KLF12: variants seen among roughly 807,000 people sequenced by gnomAD.
The protein encoded by KLF12 is KLF transcription factor 12.
A neutral mutation model predicts 37.8 loss-of-function variants in KLF12; 9 were observed. That is an observed-to-expected ratio of 0.24 (90% confidence interval 0.14 to 0.42). The LOEUF (loss-of-function observed/expected upper bound fraction) is 0.42. Among genes scored for constraint, KLF12 ranks in the 10% least tolerant of loss-of-function variants. KLF12 has a pLI of 1.00. For synonymous variants in KLF12, 208 were observed against 202.1 expected (o/e 1.03, Z -0.25); for missense variants, 411 against 516.0 (o/e 0.80, Z 1.97).
intron 3 of KLF12, among the ~76,000 whole-genome samples, chr13:73,934,398 G>A (rs1432492899): frequency 6.6e-6 from 1 of 152,032 alleles, no homozygotes; most frequent in Admixed American, 6.6e-5. Flanking sequence ...AATATGTCAC[G>A]AACTCCACCA....
At chr13:74,109,964 A>C (rs1040717101) in intron 1 of KLF12, among the ~76,000 whole-genome samples, 1 of 152,186 alleles carries the variant, frequency 6.6e-6, no homozygotes, top group Non-Finnish European at 1.5e-5. Flanking sequence ...CATAGCTAAG[A>C]CTTTTGGGGA....
chr13:73,843,983 T>C (rs887335502), intron 4 of KLF12, among the ~76,000 whole-genome samples: 1 of 152,122 alleles, frequency 6.6e-6, no homozygotes, highest in East Asian at 1.9e-4. Flanking sequence ...ATATATACTT[T>C]CAAAATAAAA....
At chr13:74,272,145 A>C in the KLF12 span, among the ~76,000 whole-genome samples, 1 of 152,190 alleles carries the variant, frequency 6.6e-6, no homozygotes, top group East Asian at 1.9e-4. Flanking sequence ...TTAACTTCTA[A>C]AGTGCTACTT....
At chr13:73,847,470 A>C (rs1462519846) in intron 3 of KLF12, among the ~76,000 whole-genome samples, 1 of 152,160 alleles carries the variant, frequency 6.6e-6, no homozygotes, top group Non-Finnish European at 1.5e-5. Context: ...CATTTAAAGG[A>C]ATGAAACATG....
At chr13:74,173,560 A>G in the KLF12 span, among the ~76,000 whole-genome samples, 1 of 152,190 alleles carries the variant, frequency 6.6e-6, no homozygotes, top group Non-Finnish European at 1.5e-5. Context: ...GAGATAGCTG[A>G]TAAACTTAAA....
intron 3 of KLF12, among the ~76,000 whole-genome samples, chr13:73,911,668 A>T (rs938692731): frequency 1.3e-5 from 2 of 152,250 alleles, no homozygotes; most frequent in Admixed American, 1.3e-4. Flanking sequence ...TAACTGAAGA[A>T]TTACAGATTT....
chr13:73,907,229 T>A (rs1009573359), intron 3 of KLF12, among the ~76,000 whole-genome samples: 1 of 152,190 alleles, frequency 6.6e-6, no homozygotes, highest in Non-Finnish European at 1.5e-5. Context: ...TGGAGCATAT[T>A]AACCTCCCCT....
intron 5 of KLF12, among the ~76,000 whole-genome samples, chr13:73,767,596 T>C (rs1323644562): frequency 6.6e-6 from 1 of 152,180 alleles, no homozygotes; most frequent in Non-Finnish European, 1.5e-5. Context: ...GTGATTTACA[T>C]TACATAGAAA....
At chr13:74,099,836 T>TA (rs5804717) in intron 1 of KLF12, among the ~76,000 whole-genome samples, 12 of 152,092 alleles carry the variant, frequency 7.9e-5, no homozygotes, top group African/African-American at 2.7e-4. Flanking sequence ...TCTTTTTATT[T>TA]AAAAAAAAAG....
chr13:73,993,173 A>G (rs766207223), intron 2 of KLF12, among the ~76,000 whole-genome samples: 4 of 152,220 alleles, frequency 2.6e-5, no homozygotes, highest in African/African-American at 9.6e-5. Flanking sequence ...CAGAGGTTGC[A>G]GTAAGCCGAG....
intron 1 of KLF12, among the ~76,000 whole-genome samples, chr13:74,114,782 G>A (rs550369235): frequency 2.0e-5 from 3 of 152,238 alleles, no homozygotes; most frequent in South Asian, 4.1e-4. Context: ...GGAGCATAAC[G>A]TGCTATTTCA....
intron 3 of KLF12, among the ~76,000 whole-genome samples, chr13:73,877,888 CCT>C (rs1324386172): frequency 5.9e-5 from 9 of 152,228 alleles, no homozygotes; most frequent in Middle Eastern, 3.4e-3. Context: ...ACAGGTATTC[CCT>C]GTTTTCACGC....
chr13:73,826,527 A>T (rs1302182140), intron 4 of KLF12, among the ~76,000 whole-genome samples: 1 of 152,216 alleles, frequency 6.6e-6, no homozygotes, highest in African/African-American at 2.4e-5. Context: ...TATTTTCCCA[A>T]AAGATTCAAA....
intron 2 of KLF12, among the ~76,000 whole-genome samples, chr13:73,955,454 A>G (rs890129053): frequency 2.3e-4 from 35 of 152,216 alleles, no homozygotes; most frequent in Admixed American, 4.6e-4. Flanking sequence ...GGTAAATGGC[A>G]GCAATGAATT....
intron 1 of KLF12, among the ~76,000 whole-genome samples, chr13:74,045,079 G>C (rs1041297378): frequency 6.6e-6 from 1 of 152,108 alleles, no homozygotes; most frequent in African/African-American, 2.4e-5. Flanking sequence ...CACCCAAGGA[G>C]GTGGAGTATA....
chr13:73,747,671 T>C (rs1594042458), intron 6 of KLF12, among the ~76,000 whole-genome samples: 1 of 152,192 alleles, frequency 6.6e-6, no homozygotes, highest in Admixed American at 6.6e-5. Context: ...ATATGTAATA[T>C]AGTGCATTTA....
At chr13:73,838,993 C>T (rs866844570) in intron 4 of KLF12, among the ~76,000 whole-genome samples, 4 of 152,116 alleles carry the variant, frequency 2.6e-5, no homozygotes, top group African/African-American at 4.8e-5. Context: ...CACTCCCAGG[C>T]ATCAAGGTTA....
At chr13:73,990,493 G>A (rs1473394425) in intron 2 of KLF12, among the ~76,000 whole-genome samples, 2 of 152,140 alleles carry the variant, frequency 1.3e-5, no homozygotes, top group Non-Finnish European at 2.9e-5. Context: ...TCTGAGGGAA[G>A]TAATAATACT....
the KLF12 span, among the ~76,000 whole-genome samples, chr13:74,271,406 C>T: frequency 0.017 from 2,523 of 152,172 alleles, 67 homozygotes; most frequent in African/African-American, 0.056. Context: ...AATTTTCTCT[C>T]CTTCCTTAAG....
Sources: gnomAD v4.1 joint callset for allele counts (sites outside exome capture counted in the v4.1 genomes callset) on GRCh38, gnomAD v4.1.1 for gene constraint, MANE v1.5 for transcripts, NCBI Gene and HGNC (gene_info 2026-07-23, HGNC 2026-07-21) for gene names.